The following SYNRG variants were observed in gnomAD, a reference collection of about 807,000 sequenced individuals.
The protein encoded by SYNRG is AP1 gamma subunit binding protein 1.
Under a neutral mutation model 130.9 loss-of-function variants are expected in SYNRG, and 37 were observed. The ratio of observed to expected loss-of-function variants is 0.28; its 90% CI spans 0.22 to 0.37. The LOEUF is 0.37. SYNRG is among the 10% of genes least tolerant of loss of function. The pLI is 1.00. For missense variants in SYNRG, 1,338 were observed against 1,588.9 expected (o/e 0.84, Z 2.68); for synonymous variants, 539 against 568.1 (o/e 0.95, Z 0.73).
chr17:37,568,649 T>G (rs1225355105), intron 11 of SYNRG, 142 bp downstream of exon 11: 1 of 898,658 alleles, frequency 1.1e-6, no homozygotes, highest in Non-Finnish European at 1.6e-6. Flanking sequence ...AAAGTAAAAG[T>G]ATTAATACAG....
At chr17:37,554,131 C>T (rs1311357839) in intron 13 of SYNRG, 72 bp from the exon 14 acceptor site, 1 of 1,380,936 alleles carries the variant, frequency 7.2e-7, no homozygotes, top group African/African-American at 1.5e-5. Context: ...GTATATTAAA[C>T]TGCAAGCATA....
At chr17:37,525,863 G>A (rs982078631) in intron 19 of SYNRG, among the ~76,000 whole-genome samples, 9 of 152,304 alleles carry the variant, frequency 5.9e-5, no homozygotes, top group African/African-American at 9.6e-5. Context: ...CTATTCAGGA[G>A]GCTGAGGCAG....
intron 3 of SYNRG, among the ~76,000 whole-genome samples, chr17:37,594,520 T>C (rs574938223): frequency 1.3e-4 from 19 of 149,474 alleles, no homozygotes; most frequent in African/African-American, 4.7e-4. Flanking sequence ...GGGAGTGCAG[T>C]GGCGCAATCT....
chr17:37,574,705 T>G (rs997730383), intron 8 of SYNRG, among the ~76,000 whole-genome samples: 1 of 152,018 alleles, frequency 6.6e-6, no homozygotes, highest in Admixed American at 6.6e-5. Flanking sequence ...CAATGAGATA[T>G]CATCTCACCC....
At chr17:37,572,102 G>C (rs1443499737) in intron 8 of SYNRG, 115 bp from the exon 9 acceptor site, 2 of 870,348 alleles carry the variant, frequency 2.3e-6, no homozygotes, top group Non-Finnish European at 3.6e-6. Context: ...TAATAGAACC[G>C]AAGCCATGTC....
At chr17:37,525,944 C>T in intron 19 of SYNRG, among the ~76,000 whole-genome samples, 1 of 152,196 alleles carries the variant, frequency 6.6e-6, no homozygotes, top group Non-Finnish European at 1.5e-5. Context: ...CCAGCCTGGG[C>T]AACAGAGCGA....
intron 12 of SYNRG, 55 bp from the exon 13 acceptor site, chr17:37,561,312 T>C: frequency 6.3e-7 from 1 of 1,579,798 alleles, no homozygotes; most frequent in Admixed American, 1.7e-5. Flanking sequence ...AAATCACAGC[T>C]CCAGGAAGTG....
At chr17:37,536,175 G>A (rs1416876342) in intron 18 of SYNRG, 48 bp from the exon 19 acceptor site, 1 of 1,560,800 alleles carries the variant, frequency 6.4e-7, no homozygotes, top group African/African-American at 1.4e-5. Context: ...TGGAGACACA[G>A]AGGACCCAGA....
chr17:37,536,675 C>G (rs1254368259), intron 18 of SYNRG: 1 of 152,426 alleles, frequency 6.6e-6, no homozygotes, highest in Non-Finnish European at 1.5e-5. Context: ...AAACATCTCA[C>G]CCCTCTGAAT....
intron 15 of SYNRG, chr17:37,541,010 A>AC: frequency 6.1e-6 from 6 of 986,880 alleles, no homozygotes; most frequent in Non-Finnish European, 7.2e-6. Flanking sequence ...CTGGGAAGCT[A>AC]CATGTTAAAT....
At chr17:37,608,244 A>T (rs184686171) in intron 1 of SYNRG, among the ~76,000 whole-genome samples, 148 of 152,300 alleles carry the variant, frequency 9.7e-4, no homozygotes, top group African/African-American at 3.4e-3. Flanking sequence ...TGATAACTTT[A>T]AGGTCCTTAC....
chr17:37,538,527 T>C (rs1384050243), intron 17 of SYNRG, 107 bp from the exon 18 acceptor site: 4 of 682,032 alleles, frequency 5.9e-6, no homozygotes, highest in Non-Finnish European at 1.0e-5. Context: ...TGTCAAAAAA[T>C]CTCATTTTAT....
Position 37,520,169 on chromosome 17 carries a change from TG to T in SYNRG, c.3813+9del, listed in dbSNP as rs997027857. 1 of 1,614,076 alleles carries T rather than the reference TG, an allele frequency of 6.2e-7. No individual in the cohort carries two copies. The highest frequency in any genetic ancestry group is 1.3e-5 in the African/African-American group (1 of 74,938). On this transcript the variant is annotated intron_variant, in intron 21 of 21. Coordinates refer to ENST00000612223, the MANE Select transcript of SYNRG (RefSeq NM_007247.6). The stretch of plus-strand genomic sequence containing the variant: ...TGGAGACGCTAAGATAAGGTGTAAC[TG>T]GTTCATACTTTTTTAGGATGTTCTT...
intron 3 of SYNRG, among the ~76,000 whole-genome samples, chr17:37,591,465 G>A (rs973435420): frequency 6.6e-6 from 1 of 152,094 alleles, no homozygotes; most frequent in African/African-American, 2.4e-5. Context: ...AGATAGACAA[G>A]ACTATCCCAA....
At position 37,572,166 on chromosome 17, in the gene SYNRG, G is replaced by A. The variant is rs145505986; in HGVS notation, c.902-179C>T. Reference sequence around the variant, plus strand: ...AGTGCAGCTGGGCGTGGTGGCTCACGTCTGTAATCTCAGCACTTGGGAGGC... The same window carrying A: ...AGTGCAGCTGGGCGTGGTGGCTCACATCTGTAATCTCAGCACTTGGGAGGC... On this transcript the variant is annotated intron_variant, in intron 8 of 21. Coordinates refer to ENST00000612223, the MANE Select transcript of SYNRG (RefSeq NM_007247.6). Among the ~76,000 whole-genome samples the A allele has an allele frequency of 5.3e-5, 8 of 152,272 alleles. No homozygotes were observed. In the East Asian group the frequency reaches 5.8e-4, roughly 11 times the overall value.
At chr17:37,597,793 G>T (rs1164125556) in intron 2 of SYNRG, among the ~76,000 whole-genome samples, 2 of 152,180 alleles carry the variant, frequency 1.3e-5, no homozygotes, top group Admixed American at 6.5e-5. Flanking sequence ...TACACAAGAA[G>T]TGAATAAAAC....
chr17:37,533,567 T>A (rs1255835073), intron 19 of SYNRG, among the ~76,000 whole-genome samples: 1 of 151,554 alleles, frequency 6.6e-6, no homozygotes, highest in African/African-American at 2.4e-5. Flanking sequence ...AATTTCATTA[T>A]ATTTTCTTTC....
At chr17:37,525,283 CATATTAT>C (rs2055696879) in intron 19 of SYNRG, among the ~76,000 whole-genome samples, 1 of 152,084 alleles carries the variant, frequency 6.6e-6, no homozygotes, top group Non-Finnish European at 1.5e-5. Flanking sequence ...AAAATATATA[CATATTAT>C]ATATGGCCTA....
At chr17:37,548,000 C>A (rs974148711) in intron 14 of SYNRG, among the ~76,000 whole-genome samples, 59 of 152,330 alleles carry the variant, frequency 3.9e-4, no homozygotes, top group African/African-American at 1.3e-3. Context: ...AAAACTACCT[C>A]CCTAAAAAGT....
Sources: allele counts gnomAD v4.1 joint callset (sites outside exome capture counted in the v4.1 genomes callset), GRCh38; gene constraint gnomAD v4.1.1; transcripts MANE v1.5; gene names NCBI Gene and HGNC (gene_info 2026-07-23, HGNC 2026-07-21).